The following CAMK1D variants were observed in gnomAD, a reference collection of about 807,000 sequenced individuals.
CAMK1D encodes the protein calcium/calmodulin-dependent protein kinase type 1D.
Under a neutral mutation model 47.7 loss-of-function variants are expected in CAMK1D, and 9 were observed. That is an observed-to-expected ratio of 0.19 (90% CI 0.11 to 0.33). The LOEUF (loss-of-function observed/expected upper bound fraction) is 0.33, where lower values mean the gene tolerates loss of function less well. Ranked by LOEUF, CAMK1D falls within the 10% of genes least tolerant of loss-of-function variation. CAMK1D has a pLI of 1.00. For synonymous variants in CAMK1D, 184 were observed against 184.9 expected, an observed-to-expected ratio of 0.99 and a Z score of 0.04; for missense variants, 291 against 488.7, an observed-to-expected ratio of 0.60 and a Z score of 3.81.
intron 3 of CAMK1D, among the ~76,000 whole-genome samples, chr10:12,735,456 C>G (rs979675543): frequency 1.3e-5 from 2 of 151,874 alleles, no homozygotes; most frequent in African/African-American, 4.8e-5. Context: ...CCAGCCTGGG[C>G]GACAGAGCGA....
At chr10:12,823,124 G>T (rs1588970242) in intron 8 of CAMK1D, among the ~76,000 whole-genome samples, 1 of 152,172 alleles carries the variant, frequency 6.6e-6, no homozygotes, top group African/African-American at 2.4e-5. Flanking sequence ...ATTCTCTCTT[G>T]TCTGAATATG....
At chr10:12,389,391 G>A (rs764100970) in intron 1 of CAMK1D, among the ~76,000 whole-genome samples, 15 of 152,170 alleles carry the variant, frequency 9.9e-5, no homozygotes, top group East Asian at 1.9e-4. Context: ...CTTGGGGTGC[G>A]TGGCCAGAGG....
At chr10:12,737,816 G>A (rs1163359059) in intron 3 of CAMK1D, among the ~76,000 whole-genome samples, 1 of 152,158 alleles carries the variant, frequency 6.6e-6, no homozygotes, top group East Asian at 1.9e-4. Flanking sequence ...AAGAATGCCT[G>A]TTGTAGCACC....
chr10:12,697,481 C>T lies in CAMK1D; in HGVS notation c.299+30671C>T, dbSNP rs146345371. Among the ~76,000 whole-genome samples the T allele has an allele frequency of 5.5e-3, 836 of 152,298 alleles. 13 individuals carry two copies. The highest frequency in any genetic ancestry group is 0.019 in the African/African-American group (785 of 41,556). On this transcript the variant is annotated intron_variant, in intron 3 of 10. Transcript: ENST00000619168. ...TGGCTCAATCTCAGCTCACTGCAAC[C>T]TCCGCCTTCCCAGTTCAAGCGATTC... is the stretch of plus-strand genomic sequence containing the variant.
chr10:12,421,094 G>A (rs570236565), intron 1 of CAMK1D, among the ~76,000 whole-genome samples: 17 of 152,252 alleles, frequency 1.1e-4, no homozygotes, highest in African/African-American at 4.1e-4. Flanking sequence ...GCTGAATGGC[G>A]TGGTGTTGAG....
At chr10:12,368,466 G>C (rs893371283) in intron 1 of CAMK1D, among the ~76,000 whole-genome samples, 3 of 152,104 alleles carry the variant, frequency 2.0e-5, no homozygotes, top group Non-Finnish European at 2.9e-5. Flanking sequence ...CATAGGCTTT[G>C]ATTAGATTCA....
chr10:12,764,580 C>T (rs2183698), intron 4 of CAMK1D, among the ~76,000 whole-genome samples: 17,189 of 151,762 alleles, frequency 0.11, 1,198 homozygotes, highest in Admixed American at 0.15. Flanking sequence ...ACTTACTCTC[C>T]TCTCCTTATC....
intron 2 of CAMK1D, among the ~76,000 whole-genome samples, chr10:12,570,295 G>A (rs900197197): frequency 3.3e-5 from 5 of 152,130 alleles, no homozygotes; most frequent in Non-Finnish European, 7.3e-5. Context: ...GCTTAAACCT[G>A]TGTAAGAAAG....
At chr10:12,683,869 AC>A (rs1260676661) in intron 3 of CAMK1D, among the ~76,000 whole-genome samples, 2 of 151,738 alleles carry the variant, frequency 1.3e-5, no homozygotes, top group African/African-American at 4.8e-5. Context: ...ACTTATTCAG[AC>A]CCCTAGTGAC....
chr10:12,449,934 G>C (rs533558343), intron 1 of CAMK1D, among the ~76,000 whole-genome samples: 21 of 152,196 alleles, frequency 1.4e-4, no homozygotes, highest in South Asian at 4.2e-4. Flanking sequence ...GGAGGCAGAG[G>C]TTGCAGTGAG....
chr10:12,751,826 C>T (rs1024549802), intron 3 of CAMK1D, among the ~76,000 whole-genome samples: 7 of 152,292 alleles, frequency 4.6e-5, no homozygotes, highest in East Asian at 3.9e-4. Context: ...TGGGGCCATG[C>T]ACCTTTGTCA....
chr10:12,511,813 T>A (rs1835049406), intron 1 of CAMK1D, among the ~76,000 whole-genome samples: 1 of 152,240 alleles, frequency 6.6e-6, no homozygotes, highest in Non-Finnish European at 1.5e-5. Context: ...GAGACTTTCT[T>A]TCCACTACAG....
At chr10:12,810,305 C>G (rs1389636419) in intron 6 of CAMK1D, among the ~76,000 whole-genome samples, 1 of 130,384 alleles carries the variant, frequency 7.7e-6, no homozygotes, top group Non-Finnish European at 1.6e-5. Context: ...GATGGAGTCT[C>G]GCTTTGTTGC....
intron 5 of CAMK1D, among the ~76,000 whole-genome samples, chr10:12,788,867 C>T (rs937042691): frequency 1.3e-5 from 2 of 152,130 alleles, no homozygotes; most frequent in Middle Eastern, 3.2e-3. Context: ...TGAGGGTGAA[C>T]ATGGTGAAGA....
At chr10:12,511,592 CAG>C (rs1835041848) in intron 1 of CAMK1D, among the ~76,000 whole-genome samples, 1 of 152,166 alleles carries the variant, frequency 6.6e-6, no homozygotes, top group African/African-American at 2.4e-5. Context: ...GCCTGGGCAG[CAG>C]AGTGAGACCC....
intron 1 of CAMK1D, among the ~76,000 whole-genome samples, chr10:12,498,092 T>C (rs1834595471): frequency 6.6e-6 from 1 of 152,186 alleles, no homozygotes; most frequent in Non-Finnish European, 1.5e-5. Context: ...TATGATTCAA[T>C]TACCTCCCAT....
intron 2 of CAMK1D, among the ~76,000 whole-genome samples, chr10:12,569,910 A>C (rs1314081219): frequency 6.6e-6 from 1 of 151,756 alleles, no homozygotes; most frequent in Non-Finnish European, 1.5e-5. Context: ...CTACTTTTAA[A>C]AATATTTTAG....
intron 1 of CAMK1D, among the ~76,000 whole-genome samples, chr10:12,433,286 C>T (rs545977820): frequency 6.6e-6 from 1 of 152,226 alleles, no homozygotes; most frequent in South Asian, 2.1e-4. Flanking sequence ...TCTCATCCTA[C>T]CAGCTGCCCT....
chr10:12,651,674 T>A (rs1839970026), intron 2 of CAMK1D, among the ~76,000 whole-genome samples: 2 of 152,270 alleles, frequency 1.3e-5, no homozygotes, highest in South Asian at 4.1e-4. Context: ...AGTACTGGGA[T>A]TACAGGCGTG....
Sources: allele counts gnomAD v4.1 joint callset (sites outside exome capture counted in the v4.1 genomes callset), GRCh38; gene constraint gnomAD v4.1.1; transcripts MANE v1.5; gene names NCBI Gene and HGNC (gene_info 2026-07-23, HGNC 2026-07-21).